Variants in ZNF44 observed in about 807,000 individuals in gnomAD.
ZNF44 encodes zinc finger protein 44.
A neutral mutation model predicts 11.7 loss-of-function variants in ZNF44; 9 were observed. The ratio of observed to expected loss-of-function variants is 0.77; its 90% CI spans 0.46 to 1.35. The LOEUF (loss-of-function observed/expected upper bound fraction) is 1.35. Ranked by LOEUF, ZNF44 falls within the 40% of genes most tolerant of loss-of-function variation. ZNF44 has a pLI of 0.00. For missense variants in ZNF44, 696 were observed against 743.1 expected (o/e 0.94, Z 0.74); for synonymous variants, 224 against 242.7 (o/e 0.92, Z 0.72).
Position 12,274,061 on chromosome 19 carries a change from C to T in ZNF44, c.194G>A (p.Cys65Tyr), listed in dbSNP as rs1393746442. ...QHQNLRRNPR[C>Y]DVVERFGKSK... ...TTTACCAAATCTCTCTACCACATCACACCTGTAAAAAATGAAAAGTACATT... is the reference window on the plus strand; with the variant it reads ...TTTACCAAATCTCTCTACCACATCATACCTGTAAAAAATGAAAAGTACATT... Residue 65 changes from cysteine to tyrosine, a missense_variant and splice_region_variant, in exon 4 of 4, where the codon TGT becomes TAT. Physicochemically the swap from Cys to Tyr is radical, Grantham distance 194. Coordinates refer to ENST00000355684, the MANE Select transcript of ZNF44 (RefSeq NM_016264.4). 6.3e-7 allele frequency: 1 copy of T among 1,598,506 alleles called. No individual in the cohort carries two copies. Among genetic ancestry groups the T allele is most frequent in the Non-Finnish European group, 8.5e-7 (1 of 1,172,092 alleles).
At chr19:12,291,205 A>T (rs1967993089) in intron 1 of ZNF44, 1 of 449,728 alleles carries the variant, frequency 2.2e-6, no homozygotes, top group East Asian at 7.0e-5. Context: ...CCAAGTCCAG[A>T]TAACAGGAAC....
At chr19:12,252,736 A>G (rs961798843) in intron 5 of ZNF44, among the ~76,000 whole-genome samples, 10 of 152,098 alleles carry the variant, frequency 6.6e-5, no homozygotes, top group Admixed American at 3.3e-4. Context: ...ATAGTGTAAA[A>G]AAAAAAAGTA....
At chr19:12,249,923 G>A in intron 7 of ZNF44, 2 of 1,109,072 alleles carry the variant, frequency 1.8e-6, no homozygotes, top group Non-Finnish European at 2.4e-6. Context: ...CAAATTTAAT[G>A]ACATACTAAG....
At chr19:12,274,739 A>G (rs1436515924) in intron 3 of ZNF44, among the ~76,000 whole-genome samples, 3 of 152,052 alleles carry the variant, frequency 2.0e-5, no homozygotes, top group East Asian at 3.9e-4. Context: ...CCAGCCTCAT[A>G]TGGGAAATCT....
At chr19:12,293,718 G>C (rs1324242597) in intron 1 of ZNF44, among the ~76,000 whole-genome samples, 1 of 152,128 alleles carries the variant, frequency 6.6e-6, no homozygotes, top group Non-Finnish European at 1.5e-5. Flanking sequence ...TTAGCCCCAA[G>C]AGGAGTTAGG....
In ZNF44 at chr19:12,276,068, A is replaced by T. The variant is rs1334968174; in HGVS notation, c.18T>A (p.Phe6Leu). MDSVA[F>L]EDVAVNFTHE... ...GGGTGAAGTTCACAGCCACATCCTC[A>T]AAGGCCACTGAGTCCTGAAACATCC... Residue 6 changes from phenylalanine (F) to leucine (L), a missense_variant, in exon 2 of 4, where the codon TTT becomes TTA. Coordinates refer to ENST00000355684, the MANE Select transcript of ZNF44 (RefSeq NM_016264.4). 1 of 1,606,326 alleles carries T rather than the reference A, an allele frequency of 6.2e-7. No individual in the cohort carries two copies. Among genetic ancestry groups the T allele is most frequent in the African/African-American group, 1.3e-5 (1 of 74,680 alleles).
In ZNF44 at chr19:12,272,187, G is replaced by T; in HGVS notation, c.*220C>A. On this transcript the variant is annotated 3_prime_UTR_variant, in exon 4 of 4. Coordinates refer to ENST00000355684, the MANE Select transcript of ZNF44 (RefSeq NM_016264.4). ...ATTTTTTTTTTTTTCCGTATTTTTA[G>T]TAGAGACAGGGTTTCCCATGTTAGC... 1.0e-5 allele frequency: 6 copies of T among 585,390 alleles called. No individual in the cohort carries two copies. The highest frequency in any genetic ancestry group is 4.2e-5 in the Admixed American group (1 of 23,538). 36.3% of individuals were successfully genotyped at this position (585,390 alleles called of 1,614,324 possible).
At chr19:12,288,774 G>GTATATATA (rs55971577) in intron 1 of ZNF44, among the ~76,000 whole-genome samples, 2,085 of 76,720 alleles carry the variant, frequency 0.027, 121 homozygotes, top group African/African-American at 0.039. Flanking sequence ...AAAAAAAAAT[G>GTATATATA]TATATATATA....
chr19:12,294,156 C>T (rs560334927), intron 1 of ZNF44, among the ~76,000 whole-genome samples: 2 of 152,290 alleles, frequency 1.3e-5, no homozygotes, highest in East Asian at 3.9e-4. Flanking sequence ...AGGCTGAAGA[C>T]CCCACAAGGA....
intron 5 of ZNF44, among the ~76,000 whole-genome samples, chr19:12,266,067 C>T (rs1298603562): frequency 6.6e-6 from 1 of 152,158 alleles, no homozygotes; most frequent in African/African-American, 2.4e-5. Context: ...GCGAAGTCAC[C>T]ACGCAGGGAC....
At chr19:12,269,557 C>T (rs2145716346), downstream of ZNF44, among the ~76,000 whole-genome samples, 1 of 151,856 alleles carries the variant, frequency 6.6e-6, no homozygotes, top group African/African-American at 2.4e-5. Flanking sequence ...GAGATGGAGT[C>T]TCACTATGTT....
chr19:12,272,418 C>A lies in ZNF44; in HGVS notation c.1837G>T (p.Asp613Tyr). Residue 613 changes from aspartate to tyrosine, a missense_variant, in exon 4 of 4, where the codon GAT becomes TAT. Asp to Tyr is a radical substitution (Grantham distance 160, BLOSUM62 -3). Coordinates refer to ENST00000355684, the MANE Select transcript of ZNF44 (RefSeq NM_016264.4). ...CACATTCCATACACTTATAGAATAT[C>A]CTTCCAGTGTGTCCTTTTATGTCTA... ...FNRHKRTHWKDIL is the reference protein window; with the variant it reads ...FNRHKRTHWKYIL 1 of 1,545,092 alleles carries A rather than the reference C, an allele frequency of 6.5e-7. No homozygotes were observed. The highest frequency in any genetic ancestry group is 8.7e-7 in the Non-Finnish European group (1 of 1,151,072).
chr19:12,236,566 A>G (rs2145680328), intron 1 of ZNF44, among the ~76,000 whole-genome samples: 1 of 152,308 alleles, frequency 6.6e-6, no homozygotes, highest in Middle Eastern at 3.4e-3. Context: ...AGGCCCATGA[A>G]ATAAAACTGA....
At chr19:12,248,919 A>G (rs1916871229) in intron 7 of ZNF44, among the ~76,000 whole-genome samples, 1 of 134,474 alleles carries the variant, frequency 7.4e-6, no homozygotes. Flanking sequence ...TTTGAGACGG[A>G]GTCTCACTCT....
intron 1 of ZNF44, among the ~76,000 whole-genome samples, chr19:12,277,512 A>G (rs1385244355): frequency 6.6e-6 from 1 of 152,218 alleles, no homozygotes; most frequent in Admixed American, 6.5e-5. Context: ...ATGTCTAAAG[A>G]TGCTTAAAAA....
chr19:12,278,135 G>A (rs974063185), intron 1 of ZNF44, among the ~76,000 whole-genome samples: 20 of 152,134 alleles, frequency 1.3e-4, no homozygotes, highest in African/African-American at 4.8e-4. Flanking sequence ...CCGGAATGAG[G>A]GCAAGGAACA....
chr19:12,272,212 C>G lies in ZNF44; in HGVS notation c.*195G>C. On this transcript the variant is annotated 3_prime_UTR_variant, in exon 4 of 4. Transcript: ENST00000355684. ...GTAGAGACAGGGTTTCCCATGTTAG[C>G]CAGGCTGGTCTCGATCTCCTGGCCT... The G allele has an allele frequency of 1.1e-6, 1 of 881,088 alleles. No individual in the cohort carries two copies. The highest frequency in any genetic ancestry group is 4.6e-5 in the South Asian group (1 of 21,620). 54.6% of individuals were successfully genotyped at this position (881,088 alleles called of 1,614,324 possible). A position where few individuals can be genotyped will look rare whatever the true frequency, so the allele number is the denominator to read the frequency against.
chr19:12,281,604 C>A (rs1442625078), intron 1 of ZNF44, among the ~76,000 whole-genome samples: 3 of 152,058 alleles, frequency 2.0e-5, no homozygotes, highest in Non-Finnish European at 4.4e-5. Flanking sequence ...ATGAAGAAAT[C>A]AGTAGAAAAC....
intron 5 of ZNF44, among the ~76,000 whole-genome samples, chr19:12,265,493 T>C (rs893149506): frequency 1.3e-5 from 2 of 152,230 alleles, no homozygotes; most frequent in Admixed American, 1.3e-4. Flanking sequence ...GCTCTAGTGA[T>C]TGAACACACC....
Sources: gnomAD v4.1 joint callset for allele counts (sites outside exome capture counted in the v4.1 genomes callset) on GRCh38, gnomAD v4.1.1 for gene constraint, MANE v1.5 for transcripts, NCBI Gene and HGNC (gene_info 2026-07-23, HGNC 2026-07-21) for gene names.